MAP7: variants seen among roughly 807,000 people sequenced by gnomAD.
The protein encoded by MAP7 is ensconsin.
MAP7 carries 52 observed loss-of-function variants against 94.8 expected under a neutral mutation model. That is an observed-to-expected ratio of 0.55 (90% confidence interval 0.44 to 0.69). MAP7 has a LOEUF of 0.69. MAP7 is among the 30% of genes least tolerant of loss of function. MAP7 has a pLI of 0.00. For missense variants in MAP7, 940 were observed against 964.6 expected, an observed-to-expected ratio of 0.97 and a Z score of 0.34; for synonymous variants, 350 against 357.0, an observed-to-expected ratio of 0.98 and a Z score of 0.22.
chr6:136,435,800 T>G (rs912407114), intron 1 of MAP7, among the ~76,000 whole-genome samples: 2 of 152,182 alleles, frequency 1.3e-5, no homozygotes, highest in African/African-American at 4.8e-5. Flanking sequence ...AAACCTGCTT[T>G]AGAAATAGTA....
intron 10 of MAP7, chr6:136,364,205 C>A: frequency 1.9e-6 from 1 of 531,592 alleles, no homozygotes; most frequent in South Asian, 1.4e-5. Flanking sequence ...AGGTGACCGT[C>A]AAGGAGGATA....
chr6:136,466,053 TA>T (rs1806923762), intron 1 of MAP7, among the ~76,000 whole-genome samples: 1 of 152,186 alleles, frequency 6.6e-6, no homozygotes, highest in African/African-American at 2.4e-5. Context: ...ATGTAGTCTA[TA>T]AAGTTCCAAT....
chr6:136,450,314 T>C (rs1800709713), intron 1 of MAP7, among the ~76,000 whole-genome samples: 1 of 152,240 alleles, frequency 6.6e-6, no homozygotes, highest in Non-Finnish European at 1.5e-5. Flanking sequence ...ATTTCTTCAC[T>C]TGTTTTTAAA....
chr6:136,493,849 A>G (rs1282372559), intron 1 of MAP7, among the ~76,000 whole-genome samples: 2 of 152,186 alleles, frequency 1.3e-5, no homozygotes, highest in Admixed American at 6.5e-5. Context: ...CTAACACCCT[A>G]TAGTACTCTA....
intron 16 of MAP7, among the ~76,000 whole-genome samples, chr6:136,351,190 A>G (rs1789076494): frequency 6.6e-6 from 1 of 151,822 alleles, no homozygotes; most frequent in Non-Finnish European, 1.5e-5. Flanking sequence ...TCTTGGGATC[A>G]CTGCAAACTG....
chr6:136,391,773 G>C (rs1422694122), intron 3 of MAP7, among the ~76,000 whole-genome samples: 1 of 151,496 alleles, frequency 6.6e-6, no homozygotes, highest in Admixed American at 6.6e-5. Context: ...AAGAGAAGTA[G>C]AACATAATTC....
intron 17 of MAP7, among the ~76,000 whole-genome samples, chr6:136,344,782 A>G (rs971347825): frequency 6.6e-6 from 1 of 152,228 alleles, no homozygotes; most frequent in Non-Finnish European, 1.5e-5. Context: ...CACTAAAGTG[A>G]GGTTCCACTT....
chr6:136,466,206 C>T (rs1806995878), intron 1 of MAP7, among the ~76,000 whole-genome samples: 1 of 152,052 alleles, frequency 6.6e-6, no homozygotes, highest in African/African-American at 2.4e-5. Context: ...AATAAGTAGG[C>T]AAGATAAATG....
intron 16 of MAP7, among the ~76,000 whole-genome samples, chr6:136,353,199 T>C (rs1178890203): frequency 6.6e-6 from 1 of 152,252 alleles, no homozygotes; most frequent in Admixed American, 6.5e-5. Context: ...TCTGTCTGAC[T>C]GATTATCACA....
At chr6:136,432,933 T>A (rs1795363905) in intron 1 of MAP7, among the ~76,000 whole-genome samples, 1 of 152,164 alleles carries the variant, frequency 6.6e-6, no homozygotes, top group African/African-American at 2.4e-5. Flanking sequence ...AGAGATAGGG[T>A]CTCACTATGT....
chr6:136,359,857 G>T lies in MAP7; in HGVS notation c.1875C>A (p.Asn625Lys). ...TGAGAGCTCCCTTGGCTATATCACC[G>T]TTTCTCTGATCACTGGTTTTCTACG... ...ATDKKTSDQR[N>K]GDIAKGALTG... is the part of the protein sequence containing the mutation. Residue 625 changes from asparagine to lysine, a missense_variant, in exon 15 of 18, where the codon AAC becomes AAA. Coordinates refer to ENST00000354570, the MANE Select transcript of MAP7 (RefSeq NM_003980.6). 1 of 1,613,436 alleles carries T rather than the reference G, an allele frequency of 6.2e-7. No homozygotes were observed. Among genetic ancestry groups the T allele is most frequent in the Non-Finnish European group, 8.5e-7 (1 of 1,179,910 alleles).
At chr6:136,396,136 TAGATC>T (rs1487773414) in intron 3 of MAP7, among the ~76,000 whole-genome samples, 2 of 152,170 alleles carry the variant, frequency 1.3e-5, no homozygotes, top group Non-Finnish European at 2.9e-5. Context: ...ATTGAATCTG[TAGATC>T]ACTTTAAGTA....
At chr6:136,520,055 C>T (rs1045337921) in intron 1 of MAP7, among the ~76,000 whole-genome samples, 1 of 151,762 alleles carries the variant, frequency 6.6e-6, no homozygotes, top group African/African-American at 2.4e-5. Context: ...AGAAAAAAAA[C>T]AGCCAAGTGT....
chr6:136,362,471 C>T lies in MAP7; in HGVS notation c.1505G>A (p.Arg502Lys), dbSNP rs1793106343. ...EQREKEERER[R>K]EQEELERQKR... is the part of the protein sequence containing the mutation. ...TTACCTTTCAAGCTCTTCCTGCTCC[C>T]TCCTCTCCCTTTCTTCCTTTTCTCT... Residue 502 changes from arginine (R) to lysine (K), a missense_variant, in exon 11 of 18, where the codon AGG (arginine) becomes AAG (lysine). Coordinates refer to ENST00000354570, the MANE Select transcript of MAP7 (RefSeq NM_003980.6). The T allele has an allele frequency of 3.7e-6, 6 of 1,614,010 alleles. No individual in the cohort carries two copies. The highest frequency in any genetic ancestry group is 3.4e-6 in the Non-Finnish European group (4 of 1,180,036).
chr6:136,392,333 C>T (rs1235941111), intron 3 of MAP7, among the ~76,000 whole-genome samples: 2 of 150,356 alleles, frequency 1.3e-5, no homozygotes, highest in East Asian at 3.9e-4. Context: ...CCTGTCTTGG[C>T]CTCCCGAAGT....
intron 1 of MAP7, among the ~76,000 whole-genome samples, chr6:136,490,160 G>T (rs754226120): frequency 1.2e-4 from 19 of 152,138 alleles, no homozygotes; most frequent in Non-Finnish European, 2.6e-4. Context: ...CAAAATAGAA[G>T]TGGCAGAAGC....
chr6:136,451,893 T>C (rs968654945), intron 1 of MAP7, among the ~76,000 whole-genome samples: 1 of 152,114 alleles, frequency 6.6e-6, no homozygotes, highest in Admixed American at 6.6e-5. Flanking sequence ...ATTGCTGCAA[T>C]CTCATGATAA....
chr6:136,441,635 T>A (rs1797896434), intron 1 of MAP7, among the ~76,000 whole-genome samples: 1 of 152,132 alleles, frequency 6.6e-6, no homozygotes, highest in Admixed American at 6.5e-5. Context: ...GGCATGAAAC[T>A]TCAGAGTTTT....
intron 1 of MAP7, among the ~76,000 whole-genome samples, chr6:136,503,397 G>C (rs1820379078): frequency 6.7e-6 from 1 of 149,222 alleles, no homozygotes; most frequent in South Asian, 2.1e-4. Context: ...GATTTCTGAG[G>C]GGGAAAAAAA....
Sources: gnomAD v4.1 joint callset for allele counts (sites outside exome capture counted in the v4.1 genomes callset) on GRCh38, gnomAD v4.1.1 for gene constraint, MANE v1.5 for transcripts, NCBI Gene and HGNC (gene_info 2026-07-23, HGNC 2026-07-21) for gene names.